Variants in CPNE8 observed in about 807,000 individuals in gnomAD.
The protein encoded by CPNE8 is copine 8, also known as copine-8.
Under a neutral mutation model 81.5 loss-of-function variants are expected in CPNE8, and 45 were observed. The observed-to-expected ratio is 0.55, with a 90% CI of 0.44 to 0.71. CPNE8 has a LOEUF of 0.71. CPNE8 is among the 30% of genes least tolerant of loss of function. The pLI is 0.00. For synonymous variants in CPNE8, 252 were observed against 226.3 expected (o/e 1.11, Z -1.02); for missense variants, 594 against 672.1 (o/e 0.88, Z 1.28).
chr12:38,744,140 A>G (rs1248196378), intron 10 of CPNE8, among the ~76,000 whole-genome samples: 1 of 152,238 alleles, frequency 6.6e-6, no homozygotes, highest in Non-Finnish European at 1.5e-5. Context: ...GCCGGTTTTC[A>G]CATAAAGGGA....
At chr12:38,763,492 C>T (rs1018206804) in intron 8 of CPNE8, among the ~76,000 whole-genome samples, 2 of 152,160 alleles carry the variant, frequency 1.3e-5, no homozygotes, top group African/African-American at 2.4e-5. Flanking sequence ...TATAGAAAGA[C>T]CATTTAGTGT....
At chr12:38,700,052 G>T (rs975284768) in intron 14 of CPNE8, among the ~76,000 whole-genome samples, 2 of 151,950 alleles carry the variant, frequency 1.3e-5, no homozygotes, top group Non-Finnish European at 2.9e-5. Flanking sequence ...CAGATATTTT[G>T]TATTTAGTTT....
chr12:38,780,078 T>A (rs1176349586), intron 6 of CPNE8, among the ~76,000 whole-genome samples: 1 of 152,102 alleles, frequency 6.6e-6, no homozygotes, highest in East Asian at 1.9e-4. Flanking sequence ...CATTTTGAGC[T>A]GATTTCTGTG....
chr12:38,905,608 C>T, upstream of CPNE8: 1 of 1,527,838 alleles, frequency 6.5e-7, no homozygotes, highest in Admixed American at 2.0e-5. Flanking sequence ...TAGCTCCCGT[C>T]AGGCGGGGAT....
intron 10 of CPNE8, among the ~76,000 whole-genome samples, chr12:38,751,467 A>C (rs1941352081): frequency 1.3e-5 from 2 of 152,018 alleles, no homozygotes; most frequent in East Asian, 3.9e-4. Context: ...TCATCTTTTA[A>C]CTTTTTGTTG....
intron 6 of CPNE8, among the ~76,000 whole-genome samples, chr12:38,796,486 A>T (rs1448650688): frequency 6.6e-6 from 1 of 152,228 alleles, no homozygotes; most frequent in Non-Finnish European, 1.5e-5. Flanking sequence ...AAATAGAAGA[A>T]AAAGTCATAC....
At chr12:38,879,145 A>G (rs1394601806) in intron 1 of CPNE8, among the ~76,000 whole-genome samples, 1 of 152,032 alleles carries the variant, frequency 6.6e-6, no homozygotes, top group Non-Finnish European at 1.5e-5. Context: ...CCCTGGCAAA[A>G]CTCCAACCAG....
At chr12:38,891,915 T>C (rs921273065) in intron 1 of CPNE8, among the ~76,000 whole-genome samples, 1 of 152,194 alleles carries the variant, frequency 6.6e-6, no homozygotes, top group African/African-American at 2.4e-5. Flanking sequence ...ATAAAACAAA[T>C]AGATATTTTT....
At chr12:38,704,826 G>GTATATATATGTGTATGTATATATA (rs58878926) in intron 13 of CPNE8, among the ~76,000 whole-genome samples, 3 of 50,198 alleles carry the variant, frequency 6.0e-5, no homozygotes, top group Non-Finnish European at 1.6e-4. Context: ...GTATGTATGT[G>GTATATATATGTGTATGTATATATA]TATATATATA....
chr12:38,906,560 G>T, upstream of CPNE8: 5 of 985,546 alleles, frequency 5.1e-6, no homozygotes, highest in Non-Finnish European at 6.0e-6. Flanking sequence ...TCCTTCAGCC[G>T]ACTCCCACCC....
chr12:38,733,871 C>A (rs980572), intron 10 of CPNE8, among the ~76,000 whole-genome samples: 83,864 of 151,694 alleles, frequency 0.55, 23,739 homozygotes, highest in East Asian at 0.81. Context: ...CGGTATTATG[C>A]ATAGTCACAT....
chr12:38,759,028 A>C (rs1384229218), intron 10 of CPNE8, among the ~76,000 whole-genome samples: 1 of 152,154 alleles, frequency 6.6e-6, no homozygotes, highest in Non-Finnish European at 1.5e-5. Context: ...ACCATTTCTC[A>C]TGTGCCCAAA....
chr12:38,729,787 G>A (rs554860864), intron 11 of CPNE8, among the ~76,000 whole-genome samples: 7 of 152,102 alleles, frequency 4.6e-5, no homozygotes, highest in Non-Finnish European at 1.0e-4. Flanking sequence ...AGTGGTGTTA[G>A]GCAGAAATAA....
At chr12:38,897,579 G>C (rs915241879) in intron 1 of CPNE8, among the ~76,000 whole-genome samples, 1 of 150,822 alleles carries the variant, frequency 6.6e-6, no homozygotes, top group Non-Finnish European at 1.5e-5. Context: ...TAAGGGAAAA[G>C]TACAGGAAAA....
chr12:38,689,632 A>T (rs1939623833), intron 15 of CPNE8, among the ~76,000 whole-genome samples: 1 of 152,238 alleles, frequency 6.6e-6, no homozygotes. Context: ...AAAAATACAT[A>T]CACATAAATA....
intron 19 of CPNE8, among the ~76,000 whole-genome samples, chr12:38,656,319 G>GGAAGAAAA (rs1271837517): frequency 4.5e-5 from 4 of 88,308 alleles, no homozygotes; most frequent in Admixed American, 3.9e-4. Context: ...GTGGTCTTTA[G>GGAAGAAAA]ACTTTTTTTT....
At chr12:38,757,945 G>A (rs764602636) in intron 10 of CPNE8, among the ~76,000 whole-genome samples, 1 of 151,896 alleles carries the variant, frequency 6.6e-6, no homozygotes, top group Non-Finnish European at 1.5e-5. Flanking sequence ...AGTAAGATGA[G>A]TATTTAAAAA....
At chr12:38,752,963 A>G (rs1941383251) in intron 10 of CPNE8, among the ~76,000 whole-genome samples, 1 of 152,242 alleles carries the variant, frequency 6.6e-6, no homozygotes, top group South Asian at 2.1e-4. Context: ...AGAAAAGATG[A>G]TAGATTCCTG....
At position 38,693,755 on chromosome 12, in the gene CPNE8, C is replaced by A; in HGVS notation, c.1045G>T (p.Glu349Ter). 1 of 1,613,600 alleles carries A rather than the reference C, an allele frequency of 6.2e-7. No homozygotes were observed. Among genetic ancestry groups the A allele is most frequent in the Non-Finnish European group, 8.5e-7 (1 of 1,179,676 alleles). The stretch of plus-strand genomic sequence containing the variant: ...TCACTGTCATAATCTTGAACAATTT[C>A]TCCCACTGCTTTTAGTGCCATACCA... ...AYGMALKAVG[E>*]IVQDYDSDKM... Residue 349 changes from glutamate to a stop codon, truncating the protein, a stop_gained, in exon 15 of 20, where the codon GAA becomes TAA. Coordinates refer to ENST00000331366, the MANE Select transcript of CPNE8 (RefSeq NM_153634.3). LOFTEE classifies it high-confidence loss of function.
Sources: gnomAD v4.1 joint callset for allele counts (sites outside exome capture counted in the v4.1 genomes callset) on GRCh38, gnomAD v4.1.1 for gene constraint, MANE v1.5 for transcripts, NCBI Gene and HGNC (gene_info 2026-07-23, HGNC 2026-07-21) for gene names.